The following TAF4B variants were observed in gnomAD, a reference collection of about 807,000 sequenced individuals.
TAF4B encodes TATA-box binding protein associated factor 4b, also known as transcription initiation factor TFIID subunit 4B.
In TAF4B, 38 loss-of-function variants were observed where a neutral mutation model predicts 86.4. That is an observed-to-expected ratio of 0.44 (90% CI 0.34 to 0.58). The LOEUF (loss-of-function observed/expected upper bound fraction) is 0.58. Among genes scored for constraint, TAF4B ranks in the 20% least tolerant of loss-of-function variants. The pLI is 0.02. For missense variants in TAF4B, 988 were observed against 1,027.6 expected (o/e 0.96, Z 0.53); for synonymous variants, 388 against 391.2 (o/e 0.99, Z 0.10).
intron 13 of TAF4B, among the ~76,000 whole-genome samples, chr18:26,345,479 G>A (rs1194591945): frequency 6.6e-6 from 1 of 152,148 alleles, no homozygotes; most frequent in East Asian, 1.9e-4. Flanking sequence ...CCATTTGTAT[G>A]TATATGCCTC....
At chr18:26,275,136 GATTTATTTAATTT>G in intron 5 of TAF4B, 83 bp downstream of exon 5, 1 of 1,348,540 alleles carries the variant, frequency 7.4e-7, no homozygotes, top group Non-Finnish European at 9.8e-7. Flanking sequence ...TTTTAAATGG[GATTTATTTAATTT>G]ATTTATTTAT....
chr18:26,302,838 A>G (rs527472407), intron 9 of TAF4B, among the ~76,000 whole-genome samples: 4 of 152,116 alleles, frequency 2.6e-5, no homozygotes, highest in Admixed American at 1.3e-4. Context: ...TGTCATATAT[A>G]TATGGATCTT....
Position 26,285,986 on chromosome 18 carries a change from A to C in TAF4B, c.1077A>C (p.Thr359=). ...SSDMVIATCT[T]TVTTSPVVTT... is the part of the protein sequence containing the mutation. ...ACATGGTCATTGCTACCTGTACTAC[A>C]ACAGTAACAACTTCTCCTGTGGTGA... The change falls in exon 7 of 15, where the codon ACA becomes ACC. Residue 359 remains threonine, a synonymous_variant. Coordinates refer to ENST00000269142, the MANE Select transcript of TAF4B (RefSeq NM_005640.3). 6.2e-7 allele frequency: 1 copy of C among 1,614,230 alleles called. No homozygotes were observed. The highest frequency in any genetic ancestry group is 8.5e-7 in the Non-Finnish European group (1 of 1,180,032).
At chr18:26,373,621 C>T (rs935946584) in intron 14 of TAF4B, among the ~76,000 whole-genome samples, 8 of 152,280 alleles carry the variant, frequency 5.3e-5, no homozygotes, top group Admixed American at 5.2e-4. Context: ...TTATTAGCAT[C>T]TCATCAATAC....
intron 1 of TAF4B, among the ~76,000 whole-genome samples, chr18:26,230,101 TTTC>T (rs1260726078): frequency 6.6e-6 from 1 of 152,208 alleles, no homozygotes; most frequent in Non-Finnish European, 1.5e-5. Flanking sequence ...TTTTCAGTAA[TTTC>T]TTCAGTCTTT....
intron 9 of TAF4B, among the ~76,000 whole-genome samples, chr18:26,298,433 C>T (rs2056690882): frequency 2.6e-5 from 4 of 152,032 alleles, no homozygotes. Flanking sequence ...GGGTTTTCAC[C>T]ATGTTAGCCA....
chr18:26,230,026 AG>A (rs2055641922), intron 1 of TAF4B, among the ~76,000 whole-genome samples: 1 of 152,044 alleles, frequency 6.6e-6, no homozygotes, highest in Non-Finnish European at 1.5e-5. Flanking sequence ...AGGTTTTTCT[AG>A]GGAGCAGGAG....
intron 9 of TAF4B, among the ~76,000 whole-genome samples, chr18:26,296,459 C>T (rs77717493): frequency 3.5e-3 from 520 of 149,436 alleles, no homozygotes; most frequent in Non-Finnish European, 4.3e-3. Flanking sequence ...CTCTTTTTGC[C>T]TGTAGCAAGC....
intron 1 of TAF4B, chr18:26,255,636 T>TTTGTGGTC (rs1035859303): frequency 3.3e-6 from 3 of 920,554 alleles, no homozygotes; most frequent in Non-Finnish European, 5.0e-6. Flanking sequence ...AGTTTGTTGC[T>TTTGTGGTC]TTGTGGTCTT....
chr18:26,242,887 T>C (rs2055861974), intron 1 of TAF4B, among the ~76,000 whole-genome samples: 2 of 152,172 alleles, frequency 1.3e-5, no homozygotes, highest in Non-Finnish European at 2.9e-5. Flanking sequence ...GAAAATTCTT[T>C]CTTTAAGAAT....
chr18:26,340,853 A>G (rs934656928), intron 13 of TAF4B, among the ~76,000 whole-genome samples: 5 of 152,180 alleles, frequency 3.3e-5, no homozygotes, highest in Non-Finnish European at 7.4e-5. Flanking sequence ...TTGAACTGTC[A>G]TAGTTCATTT....
In TAF4B at chr18:26,226,905, C is replaced by T. The variant is rs2055583564; in HGVS notation, c.-29C>T. On this transcript the variant is annotated 5_prime_UTR_variant, in exon 1 of 15. Coordinates refer to ENST00000269142, the MANE Select transcript of TAF4B (RefSeq NM_005640.3). ...CTCACCTCTGCTCCCGGAACCGCAG[C>T]GCCAAAGCTGCCGCTGAGCCCCTGG... 4 of 1,348,354 alleles carry T rather than the reference C, an allele frequency of 3.0e-6. No homozygotes were observed. Among genetic ancestry groups the T allele is most frequent in the Non-Finnish European group, 3.8e-6 (4 of 1,057,664 alleles). 83.5% of individuals were successfully genotyped at this position (1,348,354 alleles called of 1,614,324 possible). A position where few individuals can be genotyped will look rare whatever the true frequency, so the allele number is the denominator to read the frequency against.
intron 14 of TAF4B, among the ~76,000 whole-genome samples, chr18:26,387,888 G>A (rs1978470927): frequency 6.6e-6 from 1 of 152,194 alleles, no homozygotes. Flanking sequence ...GTCAGATAAA[G>A]TACCCCTAAG....
chr18:26,313,855 G>A (rs902132193), intron 9 of TAF4B, among the ~76,000 whole-genome samples: 6 of 151,724 alleles, frequency 4.0e-5, no homozygotes, highest in African/African-American at 1.5e-4. Flanking sequence ...TTCTGTAGAG[G>A]TGGTATCTCC....
chr18:26,335,928 T>C (rs117446586), intron 13 of TAF4B, among the ~76,000 whole-genome samples: 1,652 of 152,302 alleles, frequency 0.011, 21 homozygotes, highest in Non-Finnish European at 0.017. Flanking sequence ...AATTGGAGCT[T>C]ATTTTAATTG....
At position 26,265,271 on chromosome 18, in the gene TAF4B, G is replaced by A. The variant is rs375877215; in HGVS notation, c.445G>A (p.Ala149Thr). The A allele has an allele frequency of 1.2e-5, 19 of 1,613,966 alleles. No homozygotes were observed. Among genetic ancestry groups the A allele is most frequent in the Non-Finnish European group, 1.4e-5 (17 of 1,180,032 alleles). The change falls in exon 2 of 15, where the codon GCA (alanine) becomes ACA (threonine). Residue 149 changes from alanine to threonine, a missense_variant. Physicochemically the swap from Ala to Thr is moderately conservative, Grantham distance 58 (BLOSUM62 0). Transcript: ENST00000269142. Reference sequence around the variant, plus strand: ...CACAAGTAACATAACCTCAAGGCCAGCAGTACCAGCGAATCCTCAAACAGT... The same window carrying A: ...CACAAGTAACATAACCTCAAGGCCAACAGTACCAGCGAATCCTCAAACAGT... Reference protein sequence around the residue: ...ETTSNITSRPAVPANPQTVKI... With the variant: ...ETTSNITSRPTVPANPQTVKI...
chr18:26,285,225 T>TTTTTTTTTTGTTTTTTTTTTTTTTTG (rs1555677513), intron 6 of TAF4B, among the ~76,000 whole-genome samples: 4 of 125,180 alleles, frequency 3.2e-5, no homozygotes, highest in Non-Finnish European at 7.1e-5. Context: ...TTTTTTTGTT[T>TTTTTTTTTTGTTTTTTTTTTTTTTTG]TTTTTTTTTT....
At chr18:26,299,551 A>G (rs867318533) in intron 9 of TAF4B, among the ~76,000 whole-genome samples, 1 of 152,078 alleles carries the variant, frequency 6.6e-6, no homozygotes, top group Non-Finnish European at 1.5e-5. Flanking sequence ...AAAATGAGTC[A>G]TAGTCTTCCC....
At chr18:26,245,299 G>A (rs2055905716) in intron 1 of TAF4B, among the ~76,000 whole-genome samples, 1 of 152,098 alleles carries the variant, frequency 6.6e-6, no homozygotes, top group Non-Finnish European at 1.5e-5. Flanking sequence ...TTGTGGTCTC[G>A]CTGACTTCAA....
Sources: gnomAD v4.1 joint callset for allele counts (sites outside exome capture counted in the v4.1 genomes callset) on GRCh38, gnomAD v4.1.1 for gene constraint, MANE v1.5 for transcripts, NCBI Gene and HGNC (gene_info 2026-07-23, HGNC 2026-07-21) for gene names.